The following CAPN8 variants were observed in gnomAD, a reference collection of about 807,000 sequenced individuals.
CAPN8 encodes calpain-8.
In CAPN8, 87 loss-of-function variants were observed where a neutral mutation model predicts 80.9. That is an observed-to-expected ratio of 1.07 (90% CI 0.90 to 1.28). CAPN8 has a LOEUF of 1.28. Among genes scored for constraint, CAPN8 ranks in the 50% most tolerant of loss-of-function variants. The pLI is 0.00. For missense variants in CAPN8, 757 were observed against 702.0 expected (o/e 1.08, Z -0.89); for synonymous variants, 299 against 273.8 (o/e 1.09, Z -0.91).
chr1:223,550,401 C>G (rs1457026974), intron 15 of CAPN8, among the ~76,000 whole-genome samples: 3 of 152,102 alleles, frequency 2.0e-5, no homozygotes, highest in African/African-American at 7.2e-5. Flanking sequence ...ATCCCTGGAC[C>G]CGGAAAGAAA....
intron 10 of CAPN8, 137 bp downstream of exon 10, chr1:223,615,833 A>C (rs1186405598): frequency 1.0e-6 from 1 of 1,004,820 alleles, no homozygotes; most frequent in Admixed American, 2.0e-5. Context: ...CCACTGGGAG[A>C]GGTATATAGA....
intron 1 of CAPN8, among the ~76,000 whole-genome samples, chr1:223,658,769 G>A (rs974298610): frequency 7.9e-5 from 12 of 152,230 alleles, no homozygotes; most frequent in East Asian, 1.9e-4. Flanking sequence ...TCGCGCCACC[G>A]CACTCCAGCC....
rs1231304304 is a variant in CAPN8 at position 223,541,656 on chromosome 1, G to A, written c.*180C>T. On this transcript the variant is annotated 3_prime_UTR_variant, in exon 21 of 21. Coordinates refer to ENST00000366872, the MANE Select transcript of CAPN8 (RefSeq NM_001143962.2). ...TTAATTGATTGCTTTCCCTCCACTG[G>A]GCCCACCGGGTCGGCTTACATAGCT... 3.6e-6 allele frequency: 3 copies of A among 831,394 alleles called. No homozygotes were observed. The African/African-American group carries it at 5.1e-5, about 14-fold the overall frequency. 51.5% of individuals were successfully genotyped at this position (831,394 alleles called of 1,614,324 possible).
rs1407736266 is a variant in CAPN8, at chr1:223,558,158, C to T, written c.1545G>A (p.Gly515=). The T allele has an allele frequency of 2.5e-6, 1 of 398,580 alleles. No individual in the cohort carries two copies. The highest frequency in any genetic ancestry group is 4.4e-6 in the Non-Finnish European group (1 of 226,052). The allele number at this position is 398,580 out of a possible 1,614,324, so 24.7% of individuals were successfully genotyped here. The part of the protein sequence containing the change: ...SEKKAQALEI[G]DVVAGNPYEP... Reference sequence around the variant, plus strand: ...CATATGGGTTTCCAGCTACCACATCCCCAATTTCTCTGAAATGCAAAGAAA... The same window carrying T: ...CATATGGGTTTCCAGCTACCACATCTCCAATTTCTCTGAAATGCAAAGAAA... Residue 515 remains glycine, a synonymous_variant, in exon 13 of 21, where the codon GGG becomes GGA. Coordinates refer to ENST00000366872, the MANE Select transcript of CAPN8 (RefSeq NM_001143962.2).
At chr1:223,558,239 G>A (rs1253940570) in intron 12 of CAPN8, 72 bp from the exon 13 acceptor site, 1 of 398,086 alleles carries the variant, frequency 2.5e-6, no homozygotes, top group Non-Finnish European at 4.4e-6. Flanking sequence ...GGTTGTTTTA[G>A]GAAGATTTCG....
At chr1:223,651,318 T>A (rs897765920) in intron 2 of CAPN8, among the ~76,000 whole-genome samples, 8 of 152,162 alleles carry the variant, frequency 5.3e-5, no homozygotes, top group Non-Finnish European at 1.0e-4. Context: ...TAAATGGAGG[T>A]AAAATCATAC....
rs1330909854 is a variant in CAPN8, at chr1:223,654,388, G to A, written c.249C>T (p.Pro83=). The change falls in exon 2 of 21, where the codon CCC becomes CCT. Residue 83 remains proline, a synonymous_variant. Coordinates refer to ENST00000366872, the MANE Select transcript of CAPN8 (RefSeq NM_001143962.2). ...CTCCACCAACGATAAACTGAGGGCT[G>A]GGACACAACTCCTGAAAGTAATTTG... ...IIWKRPTELC[P]SPQFIVGGAT... The A allele has an allele frequency of 6.4e-7, 1 of 1,551,666 alleles. No individual in the cohort carries two copies. The highest frequency in any genetic ancestry group is 8.7e-7 in the Non-Finnish European group (1 of 1,146,992).
intron 2 of CAPN8, among the ~76,000 whole-genome samples, chr1:223,653,302 C>T (rs1188715970): frequency 2.0e-5 from 3 of 151,644 alleles, no homozygotes; most frequent in Admixed American, 6.6e-5. Flanking sequence ...TTCTAAGGTA[C>T]ATTTGCTATA....
intron 13 of CAPN8, among the ~76,000 whole-genome samples, chr1:223,554,632 G>A (rs36159365): frequency 0.63 from 96,147 of 151,988 alleles, 31,411 homozygotes; most frequent in Non-Finnish European, 0.72. Context: ...TTCACGAAGA[G>A]CAACATGATT....
At chr1:223,654,528 T>C (rs1658426609) in intron 1 of CAPN8, 129 bp from the exon 2 acceptor site, 3 of 780,130 alleles carry the variant, frequency 3.8e-6, no homozygotes, top group Non-Finnish European at 6.4e-6. Context: ...GCCCATCACA[T>C]GGTTTTATTG....
chr1:223,628,611 G>A (rs1657672794), intron 3 of CAPN8, 51 bp downstream of exon 3: 5 of 1,397,536 alleles, frequency 3.6e-6, no homozygotes, highest in Non-Finnish European at 5.0e-6. Context: ...CCTGCAGTGA[G>A]CCCTAAGAAT....
chr1:223,625,436 T>C (rs1657540934), intron 6 of CAPN8, among the ~76,000 whole-genome samples: 1 of 152,206 alleles, frequency 6.6e-6, no homozygotes, highest in Non-Finnish European at 1.5e-5. Flanking sequence ...AGAACCTTCT[T>C]TTATTTTTTT....
In CAPN8 at chr1:223,625,843, C is replaced by A; in HGVS notation, c.775G>T (p.Val259Phe). Reference sequence around the variant, plus strand: ...GTGACAGAGTACGCATGACTCTTAACCAGCTTCTGGCTGGTGATGGCTTCG... The same window carrying A: ...GTGACAGAGTACGCATGACTCTTAAACAGCTTCTGGCTGGTGATGGCTTCG... ...EAEAITSQKL[V>F]KSHAYSVTGV... Residue 259 changes from valine (V) to phenylalanine (F), a missense_variant, in exon 6 of 21, where the codon GTT becomes TTT. Val to Phe is a conservative substitution (Grantham distance 50). Transcript: ENST00000366872. The A allele has an allele frequency of 6.4e-7, 1 of 1,551,628 alleles. No individual in the cohort carries two copies. Among genetic ancestry groups the A allele is most frequent in the Non-Finnish European group, 8.7e-7 (1 of 1,146,844 alleles).
chr1:223,629,883 T>G (rs945316593), intron 2 of CAPN8, among the ~76,000 whole-genome samples: 1 of 152,224 alleles, frequency 6.6e-6, no homozygotes, highest in Non-Finnish European at 1.5e-5. Context: ...GTCCTACCTG[T>G]GCATCTTAGC....
intron 2 of CAPN8, among the ~76,000 whole-genome samples, chr1:223,637,989 A>G (rs1190781530): frequency 6.6e-6 from 1 of 152,154 alleles, no homozygotes; most frequent in African/African-American, 2.4e-5. Flanking sequence ...AACAAGCGAA[A>G]TGTTTAGGGA....
At chr1:223,621,856 G>T (rs116076782) in intron 7 of CAPN8, among the ~76,000 whole-genome samples, 1 of 152,022 alleles carries the variant, frequency 6.6e-6, no homozygotes, top group Non-Finnish European at 1.5e-5. Context: ...CATGAGACTG[G>T]CTAATTATTT....
chr1:223,663,696 A>G (rs749422434), intron 1 of CAPN8, among the ~76,000 whole-genome samples: 1 of 152,236 alleles, frequency 6.6e-6, no homozygotes, highest in Non-Finnish European at 1.5e-5. Flanking sequence ...TTTTATCAAC[A>G]TACCAGGGTA....
chr1:223,627,979 G>A (rs200278104), intron 4 of CAPN8, 30 bp downstream of exon 4: 124 of 1,509,074 alleles, frequency 8.2e-5, no homozygotes, highest in Admixed American at 1.7e-4. Context: ...AGGCTCTGGC[G>A]TCTCCCAGCT....
At chr1:223,548,557 C>A (rs1010170627) in intron 16 of CAPN8, among the ~76,000 whole-genome samples, 5 of 152,126 alleles carry the variant, frequency 3.3e-5, no homozygotes, top group Admixed American at 3.3e-4. Flanking sequence ...ATAAAAGGAA[C>A]CCCAGGAAAC....
Sources: allele counts gnomAD v4.1 joint callset (sites outside exome capture counted in the v4.1 genomes callset), GRCh38; gene constraint gnomAD v4.1.1; transcripts MANE v1.5; gene names NCBI Gene and HGNC (gene_info 2026-07-23, HGNC 2026-07-21).